The following TBC1D16 variants were observed in gnomAD, a reference collection of about 807,000 sequenced individuals.
TBC1D16 encodes TBC1 domain family member 16.
Under a neutral mutation model 74.7 loss-of-function variants are expected in TBC1D16, and 58 were observed. That is an observed-to-expected ratio of 0.78 (90% CI 0.63 to 0.97). The LOEUF (loss-of-function observed/expected upper bound fraction) is 0.97, where lower values mean the gene tolerates loss of function less well. TBC1D16 is among the 50% of genes least tolerant of loss of function. The pLI, the probability that TBC1D16 is intolerant of heterozygous loss-of-function variation, is 0.00. For missense variants in TBC1D16, 1,014 were observed against 1,079.5 expected (o/e 0.94, Z 0.85); for synonymous variants, 493 against 474.7 (o/e 1.04, Z -0.50).
intron 3 of TBC1D16, among the ~76,000 whole-genome samples, chr17:80,005,635 C>A (rs982738931): frequency 1.3e-5 from 2 of 152,198 alleles, no homozygotes; most frequent in Non-Finnish European, 2.9e-5. Flanking sequence ...CTCCGTATCA[C>A]CCCATCCCCC....
intron 3 of TBC1D16, among the ~76,000 whole-genome samples, chr17:80,002,723 A>G (rs1406987498): frequency 1.3e-5 from 2 of 152,236 alleles, no homozygotes; most frequent in African/African-American, 4.8e-5. Flanking sequence ...CAAACTTCAC[A>G]TTCATTGAAG....
intron 3 of TBC1D16, among the ~76,000 whole-genome samples, chr17:80,003,621 T>C (rs2035572603): frequency 6.7e-6 from 1 of 149,656 alleles, no homozygotes; most frequent in Admixed American, 6.7e-5. Flanking sequence ...AATCACAGAA[T>C]AACATTTTTG....
intron 3 of TBC1D16, among the ~76,000 whole-genome samples, chr17:79,984,481 C>T (rs1359578279): frequency 6.6e-6 from 1 of 151,822 alleles, no homozygotes; most frequent in African/African-American, 2.4e-5. Flanking sequence ...GGTGGGGCTT[C>T]ACACCCTTCT....
chr17:79,945,190 G>A, intron 9 of TBC1D16, 103 bp from the exon 10 acceptor site: 1 of 1,279,164 alleles, frequency 7.8e-7, no homozygotes, highest in Non-Finnish European at 1.1e-6. Context: ...ACCCCAGCCT[G>A]GAAAAGCACA....
Position 79,993,214 on chromosome 17 carries a change from TAAAG to T in TBC1D16, c.779+16942_779+16945del, listed in dbSNP as rs1456085047. 6.6e-6 allele frequency among the ~76,000 whole-genome samples: 1 copy of T among 152,146 alleles called. No individual in the cohort carries two copies. Among genetic ancestry groups the T allele is most frequent in the Non-Finnish European group, 1.5e-5 (1 of 68,012 alleles). On this transcript the variant is annotated intron_variant, in intron 3 of 11. Coordinates refer to ENST00000310924, the MANE Select transcript of TBC1D16 (RefSeq NM_019020.4). The surrounding 1 kb of genome is among the most constrained non-coding windows in gnomAD (Gnocchi z 5.1). ...GGACTTGGCTCCAGGCTCCCACACT[TAAAG>T]ATCATCTCTGTCACCACCTGGGGGT...
Position 80,009,475 on chromosome 17 carries a change from A to G in TBC1D16, c.779+685T>C, listed in dbSNP as rs368878690. 2.0e-4 allele frequency among the ~76,000 whole-genome samples: 31 copies of G among 152,334 alleles called. No individual in the cohort carries two copies. The East Asian group carries it at 5.2e-3, about 26-fold the overall frequency. On this transcript the variant is annotated intron_variant, in intron 3 of 11. Coordinates refer to ENST00000310924, the MANE Select transcript of TBC1D16 (RefSeq NM_019020.4). This position sits in a 1 kb window ranked among gnomAD's most constrained non-coding sequence, Gnocchi z 5.4. ...TTCCAAGGCCCAGGGAACCCACCGCAGGGCACGGGCCCAACTCTAGCTCCT... is the reference window on the plus strand; with the variant it reads ...TTCCAAGGCCCAGGGAACCCACCGCGGGGCACGGGCCCAACTCTAGCTCCT...
rs989468615 is a variant in TBC1D16, at chr17:79,949,697, G to A, written c.1406+20C>T. ...CCTCCGCGGCTCGGCGGGGTGGGCC[G>A]GGCTGGCCCCGGCGGTTACCTTTTC... On this transcript the variant is annotated intron_variant, in intron 7 of 11. Coordinates refer to ENST00000310924, the MANE Select transcript of TBC1D16 (RefSeq NM_019020.4). The A allele has an allele frequency of 1.3e-5, 21 of 1,593,892 alleles. No homozygotes were observed. The highest frequency in any genetic ancestry group is 6.6e-5 in the South Asian group (6 of 90,346).
intron 3 of TBC1D16, among the ~76,000 whole-genome samples, chr17:79,960,288 G>A (rs1247127466): frequency 1.3e-5 from 2 of 152,074 alleles, no homozygotes; most frequent in African/African-American, 2.4e-5. Flanking sequence ...CCAAACATGG[G>A]CAAAAGATTT....
In TBC1D16 at chr17:79,981,102, T is replaced by C. The variant is rs1017672153; in HGVS notation, c.780-28284A>G. Among the ~76,000 whole-genome samples, 2 of 152,266 alleles carry C rather than the reference T, an allele frequency of 1.3e-5. No individual in the cohort carries two copies. The highest frequency in any genetic ancestry group is 4.8e-5 in the African/African-American group (2 of 41,476). Reference sequence around the variant, plus strand: ...CACTTGTCACAGCAAAGCTGAATTCTGTATCTAGCCCCTCGTGGCAGCAGT... The same window carrying C: ...CACTTGTCACAGCAAAGCTGAATTCCGTATCTAGCCCCTCGTGGCAGCAGT... On this transcript the variant is annotated intron_variant, in intron 3 of 11. Coordinates refer to ENST00000310924, the MANE Select transcript of TBC1D16 (RefSeq NM_019020.4). The surrounding 1 kb of genome is among the most constrained non-coding windows in gnomAD (Gnocchi z 6.9).
At chr17:79,982,886 G>A (rs2144322904) in intron 3 of TBC1D16, among the ~76,000 whole-genome samples, 1 of 152,220 alleles carries the variant, frequency 6.6e-6, no homozygotes, top group East Asian at 1.9e-4. Context: ...TTCCCTGTAG[G>A]CAAGAATTGG....
At chr17:79,945,352 G>A (rs1038057582) in intron 9 of TBC1D16, among the ~76,000 whole-genome samples, 17 of 152,184 alleles carry the variant, frequency 1.1e-4, no homozygotes, top group African/African-American at 3.4e-4. Context: ...TGTTGTGCCC[G>A]GGCGTGGCAG....
At chr17:79,943,975 T>A in intron 10 of TBC1D16, 5 of 1,521,260 alleles carry the variant, frequency 3.3e-6, no homozygotes, top group Non-Finnish European at 3.5e-6. Context: ...ACCCTGCACG[T>A]CCACGTCCAG....
chr17:79,947,974 G>A (rs545312328), intron 8 of TBC1D16, 143 bp from the exon 9 acceptor site: 1 of 698,852 alleles, frequency 1.4e-6, no homozygotes, highest in South Asian at 1.9e-5. Context: ...CCATCTCAGA[G>A]CCCAAGCTTA....
chr17:80,024,564 G>C (rs62647776), intron 1 of TBC1D16, among the ~76,000 whole-genome samples: 126,934 of 130,326 alleles, frequency 0.97, 61,842 homozygotes, highest in Non-Finnish European at 0.98. Flanking sequence ...CACCACACAC[G>C]ACACACCATA....
At chr17:80,004,683 A>G (rs1018548587) in intron 3 of TBC1D16, among the ~76,000 whole-genome samples, 7 of 152,102 alleles carry the variant, frequency 4.6e-5, no homozygotes, top group African/African-American at 1.7e-4. Flanking sequence ...TTCTACTTTT[A>G]TTTTCTTTTG....
At chr17:79,952,283 G>C in intron 4 of TBC1D16, 1 of 187,406 alleles carries the variant, frequency 5.3e-6, no homozygotes, top group Non-Finnish European at 1.1e-5. Context: ...CCTCCATCCG[G>C]AAAGCTGCGG....
rs765065786 is a variant in TBC1D16 at position 79,952,754 on chromosome 17, G to C, written c.844C>G (p.Arg282Gly). Residue 282 changes from arginine (R) to glycine (G), a missense_variant, in exon 4 of 12, where the codon CGC becomes GGC. Transcript: ENST00000310924. The part of the protein sequence containing the change: ...PDSNGLLQTP[R>G]WDEPQRVCAL... ...CACACCCGCTGCGGCTCGTCCCAGCGTGGGGTCTGCAGGAGGCCGTTGCTG... is the reference window on the plus strand; with the variant it reads ...CACACCCGCTGCGGCTCGTCCCAGCCTGGGGTCTGCAGGAGGCCGTTGCTG... 5.6e-6 allele frequency: 9 copies of C among 1,612,166 alleles called. No homozygotes were observed. Among genetic ancestry groups the C allele is most frequent in the African/African-American group, 4.0e-5 (3 of 74,936 alleles).
chr17:79,976,911 C>A (rs992911325), intron 3 of TBC1D16, among the ~76,000 whole-genome samples: 8 of 152,206 alleles, frequency 5.3e-5, no homozygotes, highest in Admixed American at 4.6e-4. Flanking sequence ...TCCTGCTTCA[C>A]GCAGCCCAGG....
Position 79,938,487 on chromosome 17 carries a change from G to A in TBC1D16, c.*2372C>T, listed in dbSNP as rs1434679591. The A allele has an allele frequency of 6.6e-6, 1 of 152,264 alleles. No individual in the cohort carries two copies. The highest frequency in any genetic ancestry group is 1.5e-5 in the Non-Finnish European group (1 of 68,098). 9.4% of individuals were successfully genotyped at this position (152,264 alleles called of 1,614,324 possible). A position where few individuals can be genotyped will look rare whatever the true frequency, so the allele number is the denominator to read the frequency against. On this transcript the variant is annotated 3_prime_UTR_variant, in exon 12 of 12. Coordinates refer to ENST00000310924, the MANE Select transcript of TBC1D16 (RefSeq NM_019020.4). ...GACCTTCCCAAGTGAGGGGAGCCCT[G>A]GACCTGTCTATCCTCTTCCTCCCTC...
Sources: allele counts gnomAD v4.1 joint callset (sites outside exome capture counted in the v4.1 genomes callset), GRCh38; gene constraint gnomAD v4.1.1; non-coding constraint Gnocchi (gnomAD v3.1); transcripts MANE v1.5; gene names NCBI Gene and HGNC (gene_info 2026-07-23, HGNC 2026-07-21).